Variants in ADAMTS17 observed in about 807,000 individuals in gnomAD.
ADAMTS17 encodes ADAM metallopeptidase with thrombospondin type 1 motif 17.
In ADAMTS17, 113 loss-of-function variants were observed where a neutral mutation model predicts 141.5. That is an observed-to-expected ratio of 0.80 (90% CI 0.69 to 0.93). The LOEUF is 0.93. ADAMTS17 is among the 40% of genes least tolerant of loss of function. The pLI is 0.00. For synonymous variants in ADAMTS17, 768 were observed against 630.6 expected (o/e 1.22, Z -3.27); for missense variants, 1,659 against 1,517.9 (o/e 1.09, Z -1.54).
intron 6 of ADAMTS17, among the ~76,000 whole-genome samples, chr15:100,259,098 C>G (rs1281447789): frequency 2.0e-5 from 3 of 152,302 alleles, no homozygotes; most frequent in Non-Finnish European, 4.4e-5. Context: ...ACACCAGAAA[C>G]TATAGATTTT....
At chr15:100,066,623 T>C (rs1460960538) in intron 15 of ADAMTS17, among the ~76,000 whole-genome samples, 2 of 152,202 alleles carry the variant, frequency 1.3e-5, no homozygotes, top group Non-Finnish European at 2.9e-5. Flanking sequence ...TTCTTGGGCA[T>C]TTGATTCTAA....
chr15:100,337,030 T>A (rs1025318106), intron 2 of ADAMTS17, among the ~76,000 whole-genome samples: 1 of 152,102 alleles, frequency 6.6e-6, no homozygotes, highest in African/African-American at 2.4e-5. Flanking sequence ...CCCACCACCA[T>A]GCCCAGCTAA....
chr15:100,144,903 C>T (rs1253748209), intron 10 of ADAMTS17, among the ~76,000 whole-genome samples: 1 of 151,944 alleles, frequency 6.6e-6, no homozygotes, highest in Non-Finnish European at 1.5e-5. Flanking sequence ...GAAAACTGCC[C>T]ATCACTAGTC....
At chr15:100,331,162 G>A (rs1019462573) in intron 2 of ADAMTS17, 108 bp from the exon 3 acceptor site, 55 of 1,409,590 alleles carry the variant, frequency 3.9e-5, no homozygotes, top group Admixed American at 7.8e-5. Flanking sequence ...TGGTTTTCCA[G>A]GTCTGGGCTC....
In ADAMTS17 at chr15:100,051,716, C is replaced by G. The variant is rs374036717; in HGVS notation, c.2311G>C (p.Asp771His). Reference sequence around the variant, plus strand: ...TCATAATGAATTCCATAATCTTGGTCGTGAAATAACAACACCTGGATCAGC... The same window carrying G: ...TCATAATGAATTCCATAATCTTGGTGGTGAAATAACAACACCTGGATCAGC... The part of the protein sequence containing the change: ...PLHLMVLLFH[D>H]QDYGIHYEYT... The change falls in exon 17 of 22, where the codon GAC (aspartate) becomes CAC (histidine). Residue 771 changes from aspartate (D) to histidine (H), a missense_variant. Physicochemically the swap from Asp to His is moderately conservative, Grantham distance 81. Coordinates refer to ENST00000268070, the MANE Select transcript of ADAMTS17 (RefSeq NM_139057.4). 7 of 1,613,944 alleles carry G rather than the reference C, an allele frequency of 4.3e-6. No homozygotes were observed. The African/African-American group carries it at 8.0e-5, about 18-fold the overall frequency.
At chr15:100,017,259 C>T (rs1254737563) in intron 18 of ADAMTS17, among the ~76,000 whole-genome samples, 1 of 152,218 alleles carries the variant, frequency 6.6e-6, no homozygotes, top group Non-Finnish European at 1.5e-5. Flanking sequence ...AGTGGGCAAG[C>T]TAGGCTTGAG....
chr15:100,046,385 C>T (rs1284778445), intron 18 of ADAMTS17, among the ~76,000 whole-genome samples: 2 of 152,136 alleles, frequency 1.3e-5, no homozygotes, highest in Admixed American at 1.3e-4. Context: ...GCCCACTCTG[C>T]CACATCGTGT....
chr15:100,068,261 G>A (rs917361224), intron 15 of ADAMTS17, among the ~76,000 whole-genome samples: 5 of 152,090 alleles, frequency 3.3e-5, no homozygotes, highest in African/African-American at 1.2e-4. Flanking sequence ...CGGGAAGCTC[G>A]AACTGGGTGG....
At chr15:100,223,694 T>C (rs763034046) in intron 7 of ADAMTS17, among the ~76,000 whole-genome samples, 5 of 151,930 alleles carry the variant, frequency 3.3e-5, no homozygotes, top group Non-Finnish European at 7.4e-5. Flanking sequence ...TATGTGTATA[T>C]ATACATGTAT....
intron 7 of ADAMTS17, among the ~76,000 whole-genome samples, chr15:100,242,093 G>A (rs964566668): frequency 4.3e-4 from 65 of 152,278 alleles, no homozygotes; most frequent in Non-Finnish European, 4.4e-4. Flanking sequence ...AAGAGCACAG[G>A]AGCCTGGGGG....
At position 100,058,576 on chromosome 15, in the gene ADAMTS17, GTTATAAGACCA is replaced by G. The variant is rs769919499; in HGVS notation, c.2138-4533_2138-4523del. 1.1e-3 allele frequency among the ~76,000 whole-genome samples: 169 copies of G among 152,364 alleles called. 6 individuals carry two copies. The highest frequency in any genetic ancestry group is 4.1e-4 in the South Asian group (2 of 4,828). On this transcript the variant is annotated intron_variant, in intron 15 of 21. Transcript: ENST00000268070. ...GGGCAGGAGGGCACACCTGGAGACG[GTTATAAGACCA>G]TCCTCAGAAACGCTGCACAGAGGTG...
At chr15:100,299,389 A>G (rs545723678) in intron 3 of ADAMTS17, among the ~76,000 whole-genome samples, 1 of 151,952 alleles carries the variant, frequency 6.6e-6, no homozygotes, top group South Asian at 2.1e-4. Context: ...AAATCCGCAA[A>G]AAACAAACGC....
chr15:100,223,735 CATGT>C (rs1301130957), intron 7 of ADAMTS17, among the ~76,000 whole-genome samples: 1 of 144,206 alleles, frequency 6.9e-6, no homozygotes. Flanking sequence ...TATATATACA[CATGT>C]ATGTGTATAT....
chr15:100,328,335 G>T (rs966027145), intron 3 of ADAMTS17, among the ~76,000 whole-genome samples: 3 of 152,176 alleles, frequency 2.0e-5, no homozygotes, highest in Non-Finnish European at 4.4e-5. Context: ...CCTATTAAAA[G>T]GCCCATTGTC....
intron 4 of ADAMTS17, among the ~76,000 whole-genome samples, chr15:100,275,018 T>C (rs1472936035): frequency 6.6e-6 from 1 of 152,116 alleles, no homozygotes; most frequent in Non-Finnish European, 1.5e-5. Context: ...AAATATGGAA[T>C]TGTAAATTCA....
At chr15:100,272,938 T>A (rs1378112204) in intron 4 of ADAMTS17, among the ~76,000 whole-genome samples, 1 of 152,126 alleles carries the variant, frequency 6.6e-6, no homozygotes, top group South Asian at 2.1e-4. Context: ...TTTTCCTGTA[T>A]AAATTGGGAT....
intron 8 of ADAMTS17, among the ~76,000 whole-genome samples, chr15:100,185,204 G>A (rs1242875941): frequency 6.6e-6 from 1 of 152,144 alleles, no homozygotes; most frequent in Non-Finnish European, 1.5e-5. Flanking sequence ...AGTTCCCTGT[G>A]CCTCAGTTTC....
chr15:100,109,100 G>A lies in ADAMTS17; in HGVS notation c.1905C>T (p.Leu635=). The change falls in exon 14 of 22, where the codon CTC becomes CTT. Residue 635 remains leucine (L), a synonymous_variant. Coordinates refer to ENST00000268070, the MANE Select transcript of ADAMTS17 (RefSeq NM_139057.4). Reference sequence around the variant, plus strand: ...ACTCCTTCCCGAGGGGCGAGCAGTAGAGTTCACATGGCTTATCTGAGGAGG... The same window carrying A: ...ACTCCTTCCCGAGGGGCGAGCAGTAAAGTTCACATGGCTTATCTGAGGAGG... ...AVVVDDKPCE[L]YCSPLGKESP... is the part of the protein sequence containing the mutation. The A allele has an allele frequency of 6.2e-7, 1 of 1,613,080 alleles. No individual in the cohort carries two copies. The highest frequency in any genetic ancestry group is 1.1e-5 in the South Asian group (1 of 90,968).
At chr15:100,267,007 G>A (rs1188875683) in intron 4 of ADAMTS17, among the ~76,000 whole-genome samples, 1 of 152,092 alleles carries the variant, frequency 6.6e-6, no homozygotes, top group Non-Finnish European at 1.5e-5. Flanking sequence ...GAAACAAACA[G>A]AACATAAAAT....
Sources: allele counts gnomAD v4.1 joint callset (sites outside exome capture counted in the v4.1 genomes callset), GRCh38; gene constraint gnomAD v4.1.1; transcripts MANE v1.5; gene names NCBI Gene and HGNC (gene_info 2026-07-23, HGNC 2026-07-21).